NBEA: variants seen among roughly 807,000 people sequenced by gnomAD.
The protein encoded by NBEA is lysosomal-trafficking regulator 2.
NBEA carries 44 observed loss-of-function variants against 343.4 expected under a neutral mutation model. The ratio of observed to expected loss-of-function variants is 0.13; its 90% CI spans 0.10 to 0.16. The LOEUF is 0.16. Ranked by LOEUF, NBEA falls within the 10% of genes least tolerant of loss-of-function variation. The probability of loss-of-function intolerance (pLI) is 1.00; values close to 1 mark genes in which losing one functional copy is unlikely to be tolerated. For synonymous variants in NBEA, 1,175 were observed against 1,238.7 expected (o/e 0.95, Z 1.08); for missense variants, 2,555 against 3,631.3 (o/e 0.70, Z 7.62).
chr13:34,946,715 T>TA (rs1293489019), intron 1 of NBEA, among the ~76,000 whole-genome samples: 1 of 151,324 alleles, frequency 6.6e-6, no homozygotes, highest in African/African-American at 2.4e-5. Flanking sequence ...TTTTTTTTTT[T>TA]ACATTCTAAG....
At chr13:35,118,504 G>A (rs754636893) in intron 16 of NBEA, 30 bp downstream of exon 16, 1 of 1,452,836 alleles carries the variant, frequency 6.9e-7, no homozygotes, top group Admixed American at 1.9e-5. Flanking sequence ...ATTACTATTA[G>A]ACTTTAATGG....
Position 35,117,576 on chromosome 13 carries a change from T to C in NBEA, c.2082+83T>C, listed in dbSNP as rs1175145902. On this transcript the variant is annotated intron_variant, in intron 14 of 58. Transcript: ENST00000379939. ...GCATGTTTTAAAATTATTAAATTAG[T>C]AATAGCTACCTTTAATTCATGAATT... 1.2e-5 allele frequency: 7 copies of C among 561,570 alleles called. No homozygotes were observed. In the East Asian group the frequency reaches 3.2e-4, roughly 26 times the overall value. The allele number at this position is 561,570 out of a possible 1,614,324, so 34.8% of individuals were successfully genotyped here.
intron 17 of NBEA, among the ~76,000 whole-genome samples, chr13:35,127,555 G>A (rs577392201): frequency 6.6e-6 from 1 of 152,252 alleles, no homozygotes; most frequent in South Asian, 2.1e-4. Context: ...GGAAAGTAGA[G>A]CAAGTGCAAA....
chr13:35,546,378 T>A (rs931011661), intron 41 of NBEA, among the ~76,000 whole-genome samples: 1 of 151,334 alleles, frequency 6.6e-6, no homozygotes, highest in Non-Finnish European at 1.5e-5. Flanking sequence ...GGTGGGAGAA[T>A]CGCTCGAACC....
At chr13:35,017,439 G>A (rs928180381) in intron 1 of NBEA, among the ~76,000 whole-genome samples, 1 of 152,172 alleles carries the variant, frequency 6.6e-6, no homozygotes, top group South Asian at 2.1e-4. Context: ...TAAGAAATGT[G>A]TGAAAGGTCC....
chr13:35,522,492 A>G (rs1410329377), intron 41 of NBEA, among the ~76,000 whole-genome samples: 4 of 143,560 alleles, frequency 2.8e-5, no homozygotes, highest in Admixed American at 6.8e-5. Flanking sequence ...AAAAAAAAAA[A>G]AAAAAAAAAA....
chr13:35,491,863 C>G (rs1466633605), intron 41 of NBEA, among the ~76,000 whole-genome samples: 2 of 151,880 alleles, frequency 1.3e-5, no homozygotes, highest in Admixed American at 1.3e-4. Context: ...TCTTAAATGC[C>G]AAACACAAGA....
intron 10 of NBEA, among the ~76,000 whole-genome samples, chr13:35,094,689 A>G (rs1329091605): frequency 6.6e-6 from 1 of 151,928 alleles, no homozygotes; most frequent in Middle Eastern, 3.2e-3. Flanking sequence ...CTCATTTAGG[A>G]ATAGTTTTGT....
chr13:35,153,656 CT>C lies in NBEA; in HGVS notation c.2446-2114del, dbSNP rs1177423688. ...TTATTAGATAGGCAAGGCAGTTATT[CT>C]TTTCATTGTTAGATGATAAAGTAGG... is the stretch of plus-strand genomic sequence containing the variant. On this transcript the variant is annotated intron_variant, in intron 18 of 58. Coordinates refer to ENST00000379939, the MANE Select transcript of NBEA (RefSeq NM_001385012.1). 2.0e-5 allele frequency among the ~76,000 whole-genome samples: 3 copies of C among 152,232 alleles called. No homozygotes were observed. The East Asian group carries it at 5.8e-4, about 29-fold the overall frequency.
intron 8 of NBEA, among the ~76,000 whole-genome samples, chr13:35,069,393 A>G (rs192275885): frequency 6.6e-6 from 1 of 152,218 alleles, no homozygotes; most frequent in Non-Finnish European, 1.5e-5. Flanking sequence ...TGAGTTTTGT[A>G]TGTATATTGT....
At chr13:35,590,498 C>A (rs910956351) in intron 46 of NBEA, among the ~76,000 whole-genome samples, 4 of 152,074 alleles carry the variant, frequency 2.6e-5, no homozygotes, top group African/African-American at 7.2e-5. Context: ...AAATATAATT[C>A]TTTAATTTCA....
At chr13:35,664,904 G>A (rs552639332) in intron 55 of NBEA, among the ~76,000 whole-genome samples, 181 bp from the exon 56 acceptor site, 4 of 152,212 alleles carry the variant, frequency 2.6e-5, no homozygotes, top group Non-Finnish European at 5.9e-5. Flanking sequence ...TAATAGATTC[G>A]CTAGTTATGC....
intron 34 of NBEA, among the ~76,000 whole-genome samples, chr13:35,277,735 A>G (rs1016074073): frequency 2.7e-5 from 4 of 150,612 alleles, no homozygotes; most frequent in African/African-American, 7.2e-5. Context: ...AAGGAAAAAA[A>G]GAAACCTAGA....
intron 34 of NBEA, among the ~76,000 whole-genome samples, chr13:35,236,618 T>TA (rs1566499232): frequency 7.3e-5 from 10 of 137,492 alleles, no homozygotes; most frequent in Admixed American, 2.1e-4. Context: ...AGATATATAT[T>TA]TTTTTTTTTT....
intron 34 of NBEA, among the ~76,000 whole-genome samples, chr13:35,255,663 G>A (rs962620266): frequency 3.9e-5 from 6 of 152,248 alleles, no homozygotes; most frequent in African/African-American, 1.4e-4. Context: ...GGAGACGCCA[G>A]AAATTACAGA....
intron 1 of NBEA, among the ~76,000 whole-genome samples, chr13:34,999,772 T>TGTG (rs1429358719): frequency 9.5e-5 from 14 of 147,296 alleles, no homozygotes; most frequent in African/African-American, 3.5e-4. Context: ...ACTTAACAGA[T>TGTG]GTGGGACTGA....
intron 38 of NBEA, among the ~76,000 whole-genome samples, chr13:35,392,688 A>G (rs2042562197): frequency 1.3e-5 from 2 of 152,196 alleles, no homozygotes; most frequent in Non-Finnish European, 2.9e-5. Context: ...TGTGCATAAG[A>G]ACCGTGCTAA....
chr13:35,395,195 G>C (rs1433114033), intron 38 of NBEA, among the ~76,000 whole-genome samples: 2 of 151,572 alleles, frequency 1.3e-5, no homozygotes, highest in Non-Finnish European at 2.9e-5. Context: ...ATAATGATAT[G>C]GTTTGGATCT....
At chr13:34,969,804 T>C (rs1395433671) in intron 1 of NBEA, among the ~76,000 whole-genome samples, 2 of 151,940 alleles carry the variant, frequency 1.3e-5, no homozygotes, top group Admixed American at 6.6e-5. Context: ...CATTGATATG[T>C]ATTGAAGTTA....
Sources: gnomAD v4.1 joint callset for allele counts (sites outside exome capture counted in the v4.1 genomes callset) on GRCh38, gnomAD v4.1.1 for gene constraint, MANE v1.5 for transcripts, NCBI Gene and HGNC (gene_info 2026-07-23, HGNC 2026-07-21) for gene names.